The following CSRNP2 variants were observed in gnomAD, a reference collection of about 807,000 sequenced individuals.
The protein encoded by CSRNP2 is cysteine/serine-rich nuclear protein 2.
CSRNP2 carries 11 observed loss-of-function variants against 36.6 expected under a neutral mutation model. That is an observed-to-expected ratio of 0.30 (90% CI 0.19 to 0.50). The LOEUF (loss-of-function observed/expected upper bound fraction) is 0.50, where lower values mean the gene tolerates loss of function less well. CSRNP2 is among the 20% of genes least tolerant of loss of function. The pLI is 0.98. For missense variants in CSRNP2, 483 were observed against 691.4 expected (o/e 0.70, Z 3.38); for synonymous variants, 248 against 275.3 (o/e 0.90, Z 0.98).
intron 1 of CSRNP2, among the ~76,000 whole-genome samples, chr12:51,078,397 GAA>G (rs11310354): frequency 5.9e-5 from 9 of 151,320 alleles, no homozygotes; most frequent in African/African-American, 1.9e-4. Context: ...TGCCAGGGAA[GAA>G]AAAAAAAAAT....
chr12:51,069,628 G>C (rs1938861445), intron 3 of CSRNP2, among the ~76,000 whole-genome samples: 1 of 150,228 alleles, frequency 6.7e-6, no homozygotes, highest in Admixed American at 6.6e-5. Flanking sequence ...CTGTATGTGA[G>C]GAAAGGTGGT....
chr12:51,064,369 T>C lies in CSRNP2; in HGVS notation c.1009A>G (p.Lys337Glu). ...LQSAEELERL[K>E]AEEDSSGSSA... ...GAGCCGCTGGAATCTTCTTCTGCCT[T>C]GAGCCGCTCCAGTTCCTCTGCACTC... Residue 337 changes from lysine (K) to glutamate (E), a missense_variant, in exon 5 of 5, where the codon AAG (lysine) becomes GAG (glutamate). Physicochemically the swap from Lys to Glu is moderately conservative, Grantham distance 56 (BLOSUM62 1). Coordinates refer to ENST00000228515, the MANE Select transcript of CSRNP2 (RefSeq NM_030809.3). 6.2e-7 allele frequency: 1 copy of C among 1,614,224 alleles called. No individual in the cohort carries two copies. Among genetic ancestry groups the C allele is most frequent in the Admixed American group, 1.7e-5 (1 of 60,024 alleles).
chr12:51,067,668 C>G lies in CSRNP2; in HGVS notation c.708+5G>C. 1.2e-6 allele frequency: 2 copies of G among 1,611,816 alleles called. No homozygotes were observed. Among genetic ancestry groups the G allele is most frequent in the Non-Finnish European group, 1.7e-6 (2 of 1,178,542 alleles). On this transcript the variant is annotated splice_donor_5th_base_variant and intron_variant, in intron 4 of 4. Transcript: ENST00000228515. This position sits in a 1 kb window ranked among gnomAD's most constrained non-coding sequence, Gnocchi z 4.1. Reference sequence around the variant, plus strand: ...ATATACTATCTCAGGCCAACTTGGACTGACCTGGCATTTAATCCCAGCCTG... The same window carrying G: ...ATATACTATCTCAGGCCAACTTGGAGTGACCTGGCATTTAATCCCAGCCTG...
chr12:51,063,994 A>T lies in CSRNP2; in HGVS notation c.1384T>A (p.Cys462Ser). 6.2e-7 allele frequency: 1 copy of T among 1,614,054 alleles called. No individual in the cohort carries two copies. The highest frequency in any genetic ancestry group is 8.5e-7 in the Non-Finnish European group (1 of 1,179,906). ...AGGGCAGCTGGGTCTGTGGAGCTAC[A>T]AGCCACGAGTGAGGTAACAGGGAGA... ...FSLPVTSLVA[C>S]SSTDPAALCK... Residue 462 changes from cysteine to serine, a missense_variant, in exon 5 of 5, where the codon TGT becomes AGT. This residue lies in a region of CSRNP2 where 277 missense variants were observed against 323.6 expected (regional missense o/e 0.86). Coordinates refer to ENST00000228515, the MANE Select transcript of CSRNP2 (RefSeq NM_030809.3).
Position 51,064,122 on chromosome 12 carries a change from T to C in CSRNP2, c.1256A>G (p.Tyr419Cys), listed in dbSNP as rs372045824. 3.1e-5 allele frequency: 50 copies of C among 1,614,054 alleles called. No individual in the cohort carries two copies. In the Middle Eastern group the frequency reaches 6.6e-4, roughly 21 times the overall value. Reference protein sequence around the residue: ...PSYLNSGPLVYYQVEQRPVLG... With the variant: ...PSYLNSGPLVCYQVEQRPVLG... ...GACTGGCCTCTGCTCCACTTGATAA[T>C]AGACCAGGGGCCCACTGTTCAAGTA... The change falls in exon 5 of 5, where the codon TAT becomes TGT. Residue 419 changes from tyrosine to cysteine, a missense_variant. Tyr to Cys is a radical substitution (Grantham distance 194). Transcript: ENST00000228515.
Position 51,064,305 on chromosome 12 carries a change from A to G in CSRNP2, c.1073T>C (p.Val358Ala). Residue 358 changes from valine to alanine, a missense_variant, in exon 5 of 5, where the codon GTG (valine) becomes GCG (alanine). Transcript: ENST00000228515. ...SLDSSIESLG[V>A]CILEEPLAVP... ...AGCCAGAGGCTCCTCTAGGATGCAC[A>G]CACCCAGGCTCTCGATGCTCGAGTC... The G allele has an allele frequency of 6.2e-7, 1 of 1,613,784 alleles. No individual in the cohort carries two copies. The highest frequency in any genetic ancestry group is 1.1e-5 in the South Asian group (1 of 91,058).
intron 4 of CSRNP2, 113 bp from the exon 5 acceptor site, chr12:51,064,782 G>A (rs11169692): frequency 0.2 from 167,853 of 821,620 alleles, 22,666 homozygotes; most frequent in East Asian, 0.7. Context: ...CTTGTAAGAA[G>A]AAAAGCAACC....
At position 51,064,154 on chromosome 12, in the gene CSRNP2, G is replaced by A; in HGVS notation, c.1224C>T (p.Ser408=). 6.2e-7 allele frequency: 1 copy of A among 1,614,156 alleles called. No homozygotes were observed. The highest frequency in any genetic ancestry group is 2.2e-5 in the East Asian group (1 of 44,888). Residue 408 remains serine (S), a synonymous_variant, in exon 5 of 5, where the codon AGC becomes AGT. Transcript: ENST00000228515. ...SDHPTASTVN[S]PSYLNSGPLV... is the part of the protein sequence containing the mutation. ...GGGGCCCACTGTTCAAGTAGGATGG[G>A]CTGTTCACCGTTGAGGCAGTTGGGT...
At chr12:51,079,221 C>G (rs189190320) in intron 1 of CSRNP2, among the ~76,000 whole-genome samples, 1 of 151,694 alleles carries the variant, frequency 6.6e-6, no homozygotes, top group Non-Finnish European at 1.5e-5. Context: ...CGGGGCCTGT[C>G]GTGGGGTGGG....
chr12:51,076,791 G>C, intron 1 of CSRNP2, 144 bp from the exon 2 acceptor site: 1 of 503,700 alleles, frequency 2.0e-6, no homozygotes, highest in Admixed American at 3.2e-5. Context: ...ACTAGCTCTG[G>C]CCAACATTCT....
chr12:51,065,025 G>C (rs931720340), intron 4 of CSRNP2, among the ~76,000 whole-genome samples: 1 of 152,206 alleles, frequency 6.6e-6, no homozygotes, highest in Non-Finnish European at 1.5e-5. Flanking sequence ...AGTTTTCACA[G>C]AGGAAATTTA....
intron 1 of CSRNP2, among the ~76,000 whole-genome samples, chr12:51,078,776 A>T (rs1939499627): frequency 6.6e-6 from 1 of 152,206 alleles, no homozygotes; most frequent in South Asian, 2.1e-4. Context: ...TGTTGGTGGG[A>T]CTGAAAACTA....
intron 3 of CSRNP2, among the ~76,000 whole-genome samples, chr12:51,072,585 A>G (rs1163390289): frequency 1.6e-5 from 2 of 126,816 alleles, no homozygotes; most frequent in Non-Finnish European, 3.5e-5. Context: ...AAAAAAAAAA[A>G]AAAAAAAGAG....
chr12:51,069,732 A>G (rs1409721772), intron 3 of CSRNP2, among the ~76,000 whole-genome samples: 17 of 138,090 alleles, frequency 1.2e-4, no homozygotes, highest in South Asian at 2.2e-4. Context: ...TCACTCTGTC[A>G]CCCAGGCTGG....
chr12:51,074,614 C>A (rs1344367607), intron 2 of CSRNP2, among the ~76,000 whole-genome samples: 1 of 152,132 alleles, frequency 6.6e-6, no homozygotes. Flanking sequence ...ACTGACTATA[C>A]CTAAACAGAT....
rs771239042 is a variant in CSRNP2, at chr12:51,064,059, G to C, written c.1319C>G (p.Ser440Ter). The C allele has an allele frequency of 6.2e-7, 1 of 1,614,114 alleles. No homozygotes were observed. The highest frequency in any genetic ancestry group is 8.5e-7 in the Non-Finnish European group (1 of 1,180,040). Residue 440 changes from serine to a stop codon, truncating the protein, a stop_gained, in exon 5 of 5, where the codon TCA (serine) becomes TGA (stop). Transcript: ENST00000228515. LOFTEE classifies it high-confidence loss of function. ...VKGEPGTEEG[S>*]ASFPKEKDLN... ...ATCCTTCTCCTTTGGGAAAGAGGCT[G>C]AGCCTTCTTCCGTACCAGGCTCTCC...
At chr12:51,082,460 G>C (rs1939680873) in intron 1 of CSRNP2, 1 of 152,120 alleles carries the variant, frequency 6.6e-6, no homozygotes, top group Non-Finnish European at 1.5e-5. Context: ...CCAACATCCT[G>C]GCTTTGTGGA....
chr12:51,079,579 T>G, intron 1 of CSRNP2, among the ~76,000 whole-genome samples: 1 of 133,392 alleles, frequency 7.5e-6, no homozygotes, highest in African/African-American at 2.9e-5. Flanking sequence ...CTGACCAACA[T>G]GGAGAAACCC....
At chr12:51,075,152 A>C (rs1300613048) in intron 2 of CSRNP2, among the ~76,000 whole-genome samples, 1 of 151,886 alleles carries the variant, frequency 6.6e-6, no homozygotes, top group East Asian at 1.9e-4. Context: ...TTGCTCTGTC[A>C]CCCAGGCTAG....
Sources: allele counts gnomAD v4.1 joint callset (sites outside exome capture counted in the v4.1 genomes callset), GRCh38; gene constraint gnomAD v4.1.1; regional missense constraint gnomAD v4.1.1; non-coding constraint Gnocchi (gnomAD v3.1); transcripts MANE v1.5; gene names NCBI Gene and HGNC (gene_info 2026-07-23, HGNC 2026-07-21).